The following ARB2A variants were observed in gnomAD, a reference collection of about 807,000 sequenced individuals.
ARB2A encodes the protein ARB2 cotranscriptional regulator A.
At chr5:93,636,386 T>A in the ARB2A span, among the ~76,000 whole-genome samples, 1 of 152,226 alleles carries the variant, frequency 6.6e-6, no homozygotes, top group East Asian at 1.9e-4. Flanking sequence ...TGTGGTGGTA[T>A]CTGGAGAAGG....
chr5:93,826,679 T>C, the ARB2A span, among the ~76,000 whole-genome samples: 35 of 151,994 alleles, frequency 2.3e-4, no homozygotes, highest in Non-Finnish European at 3.5e-4. Flanking sequence ...TGTGCCATGT[T>C]GGTGTGCTGC....
the ARB2A span, chr5:93,743,450 T>C: frequency 1.0e-5 from 7 of 684,486 alleles, no homozygotes; most frequent in Non-Finnish European, 1.3e-5. Flanking sequence ...GATTTTAAGA[T>C]GACAGTCTAT....
chr5:93,671,059 A>T, the ARB2A span, among the ~76,000 whole-genome samples: 1 of 152,220 alleles, frequency 6.6e-6, no homozygotes. Flanking sequence ...TATGCACTTG[A>T]AAATGATGAA....
chr5:94,073,654 G>A, the ARB2A span, among the ~76,000 whole-genome samples: 1 of 152,090 alleles, frequency 6.6e-6, no homozygotes, highest in Non-Finnish European at 1.5e-5. Flanking sequence ...AACCCAGCAT[G>A]TCTATTTAGA....
the ARB2A span, among the ~76,000 whole-genome samples, chr5:93,997,998 T>TAC: frequency 5.1e-3 from 770 of 149,954 alleles, 1 homozygote; most frequent in South Asian, 0.017. Context: ...TGTGTGTCTA[T>TAC]ACACACACAC....
the ARB2A span, chr5:93,958,808 G>T: frequency 6.3e-7 from 1 of 1,577,796 alleles, no homozygotes; most frequent in South Asian, 1.2e-5. Context: ...CGGTATCTGT[G>T]TGCCACTGTC....
the ARB2A span, among the ~76,000 whole-genome samples, chr5:93,906,066 T>C: frequency 1.2e-4 from 18 of 151,688 alleles, no homozygotes; most frequent in Admixed American, 1.1e-3. Context: ...ATATTTACTA[T>C]AAAGATAATC....
the ARB2A span, chr5:93,862,435 C>T: frequency 6.6e-6 from 1 of 152,122 alleles, no homozygotes; most frequent in Non-Finnish European, 1.5e-5. Context: ...GAAAACCTTG[C>T]TAAACAGACT....
the ARB2A span, among the ~76,000 whole-genome samples, chr5:93,703,753 C>G: frequency 6.6e-6 from 1 of 152,312 alleles, no homozygotes; most frequent in Admixed American, 6.5e-5. Context: ...TATGCCATTT[C>G]TTTCTTCCAC....
chr5:94,108,983 T>C, the ARB2A span, among the ~76,000 whole-genome samples: 3 of 152,232 alleles, frequency 2.0e-5, no homozygotes, highest in South Asian at 2.1e-4. Flanking sequence ...CTCATGTTCA[T>C]AGCAGCATTA....
chr5:93,855,711 C>A, the ARB2A span, among the ~76,000 whole-genome samples: 3 of 152,126 alleles, frequency 2.0e-5, no homozygotes, highest in Non-Finnish European at 1.5e-5. Flanking sequence ...TTCTCCTTCA[C>A]TTATGAAGCT....
At chr5:93,698,655 A>G in the ARB2A span, among the ~76,000 whole-genome samples, 5 of 152,248 alleles carry the variant, frequency 3.3e-5, no homozygotes, top group Admixed American at 6.5e-5. Context: ...TAATACCAGG[A>G]AAGTAATTTA....
chr5:93,638,036 T>C, the ARB2A span, among the ~76,000 whole-genome samples: 2 of 152,240 alleles, frequency 1.3e-5, no homozygotes, highest in Admixed American at 6.5e-5. Context: ...CTAAATATAT[T>C]CTCAAACATT....
the ARB2A span, among the ~76,000 whole-genome samples, chr5:94,052,882 A>G: frequency 6.6e-6 from 1 of 152,300 alleles, no homozygotes; most frequent in South Asian, 2.1e-4. Flanking sequence ...CCATTAGTTC[A>G]CGTAACTTGA....
chr5:93,710,896 T>A, the ARB2A span, among the ~76,000 whole-genome samples: 1 of 152,180 alleles, frequency 6.6e-6, no homozygotes, highest in Non-Finnish European at 1.5e-5. Flanking sequence ...ACATTAAATA[T>A]CCTCCCTCTG....
the ARB2A span, among the ~76,000 whole-genome samples, chr5:93,803,456 C>G: frequency 6.6e-6 from 1 of 151,442 alleles, no homozygotes; most frequent in Admixed American, 6.6e-5. Flanking sequence ...CCCTCACCGC[C>G]CCCCCACCCA....
the ARB2A span, among the ~76,000 whole-genome samples, chr5:93,835,148 T>C: frequency 2.0e-5 from 3 of 152,194 alleles, no homozygotes; most frequent in Admixed American, 2.0e-4. Context: ...TTGCCATCAC[T>C]AATCCTTAAA....
the ARB2A span, among the ~76,000 whole-genome samples, chr5:93,707,642 T>A: frequency 6.6e-6 from 1 of 151,354 alleles, no homozygotes; most frequent in East Asian, 1.9e-4. Context: ...TGGTGAGATT[T>A]CGACTCACTG....
At chr5:93,635,939 CA>C in the ARB2A span, among the ~76,000 whole-genome samples, 1 of 152,100 alleles carries the variant, frequency 6.6e-6, no homozygotes, top group East Asian at 1.9e-4. Flanking sequence ...CACAATTAAC[CA>C]TAAAATTTAT....
Sources: allele counts gnomAD v4.1 joint callset (sites outside exome capture counted in the v4.1 genomes callset), GRCh38; gene constraint gnomAD v4.1.1; transcripts MANE v1.5; gene names NCBI Gene and HGNC (gene_info 2026-07-23, HGNC 2026-07-21).